BLM: variants seen among roughly 807,000 people sequenced by gnomAD.
BLM encodes recQ-like DNA helicase BLM.
Under a neutral mutation model 135.3 loss-of-function variants are expected in BLM, and 95 were observed. The observed-to-expected ratio is 0.70, with a 90% CI of 0.59 to 0.83. The LOEUF is 0.83. BLM is among the 40% of genes least tolerant of loss of function. The probability of loss-of-function intolerance (pLI) is 0.00; values close to 1 mark genes in which losing one functional copy is unlikely to be tolerated. For synonymous variants in BLM, 520 were observed against 589.2 expected (o/e 0.88, Z 1.70); for missense variants, 1,518 against 1,663.9 (o/e 0.91, Z 1.53).
At chr15:90,771,893 A>C (rs755584005) in intron 12 of BLM, among the ~76,000 whole-genome samples, 12 of 152,142 alleles carry the variant, frequency 7.9e-5, no homozygotes, top group Non-Finnish European at 1.2e-4. Context: ...ATTTATTTAG[A>C]GGCAGGCACC....
intron 15 of BLM, among the ~76,000 whole-genome samples, chr15:90,792,090 T>A (rs1328024384): frequency 1.5e-5 from 2 of 136,374 alleles, no homozygotes; most frequent in Non-Finnish European, 3.1e-5. Context: ...CCACTTTTTT[T>A]TTTCTTTTTT....
At chr15:90,784,632 G>A (rs750632115) in intron 13 of BLM, among the ~76,000 whole-genome samples, 3 of 151,658 alleles carry the variant, frequency 2.0e-5, no homozygotes, top group South Asian at 2.1e-4. Flanking sequence ...CACCGCGCCC[G>A]GCCAAGGATG....
chr15:90,755,823 T>C (rs1323362307), intron 5 of BLM, among the ~76,000 whole-genome samples: 2 of 152,198 alleles, frequency 1.3e-5, no homozygotes, highest in African/African-American at 4.8e-5. Flanking sequence ...TCAAGGCAAT[T>C]TCCGAGAGCT....
In BLM at chr15:90,815,475, G is replaced by T; in HGVS notation, c.*196G>T. 1 of 637,926 alleles carries T rather than the reference G, an allele frequency of 1.6e-6. No homozygotes were observed. Among genetic ancestry groups the T allele is most frequent in the Non-Finnish European group, 2.6e-6 (1 of 385,548 alleles). The allele number at this position is 637,926 out of a possible 1,614,324, so 39.5% of individuals were successfully genotyped here. On this transcript the variant is annotated 3_prime_UTR_variant, in exon 22 of 22. Coordinates refer to ENST00000355112, the MANE Select transcript of BLM (RefSeq NM_000057.4). This position sits in a 1 kb window ranked among gnomAD's most constrained non-coding sequence, Gnocchi z 4.6. ...TTTTGAATAAGCATGTTTTGCTGCC[G>T]CTGCAAGTGTTGTGGCCGTTGTTTC... is the stretch of plus-strand genomic sequence containing the variant.
At chr15:90,814,177 G>C (rs893651533) in intron 21 of BLM, among the ~76,000 whole-genome samples, 1 of 152,174 alleles carries the variant, frequency 6.6e-6, no homozygotes, top group Non-Finnish European at 1.5e-5. Flanking sequence ...ATTACCCACA[G>C]GCTGTGGCCC....
chr15:90,798,375 T>A (rs758651305), intron 17 of BLM, 38 bp downstream of exon 17: 1 of 1,600,058 alleles, frequency 6.2e-7, no homozygotes, highest in Non-Finnish European at 8.5e-7. Flanking sequence ...TTACTTCAAT[T>A]GAAATTGAAC....
At chr15:90,765,781 C>G (rs931636229) in intron 9 of BLM, among the ~76,000 whole-genome samples, 1 of 152,114 alleles carries the variant, frequency 6.6e-6, no homozygotes, top group Admixed American at 6.5e-5. Flanking sequence ...TTTCTCATGG[C>G]TGAGTTTAAG....
At chr15:90,776,659 C>G (rs1411893494) in intron 12 of BLM, among the ~76,000 whole-genome samples, 1 of 152,090 alleles carries the variant, frequency 6.6e-6, no homozygotes, top group African/African-American at 2.4e-5. Flanking sequence ...GTAGCCAGGA[C>G]TACAGGCGTG....
chr15:90,740,212 A>G (rs1408859835), intron 1 of BLM, among the ~76,000 whole-genome samples: 1 of 152,204 alleles, frequency 6.6e-6, no homozygotes. Flanking sequence ...AGAAATTTGC[A>G]TACCCCTTGC....
At position 90,809,138 on chromosome 15, in the gene BLM, A is replaced by G. The variant is rs962822215; in HGVS notation, c.3753A>G (p.Glu1251=). ...FNTVTLKKLA[E]SLSSDPEVLL... is the part of the protein sequence containing the mutation. The stretch of plus-strand genomic sequence containing the variant: ...TCCTAATTTTATGCCTTTGCACAGA[A>G]TCTTTATCTTCTGATCCTGAGGTTT... Residue 1251 remains glutamate (E), a splice_region_variant and synonymous_variant, in exon 20 of 22, where the codon GAA becomes GAG. Coordinates refer to ENST00000355112, the MANE Select transcript of BLM (RefSeq NM_000057.4). 2 of 1,614,018 alleles carry G rather than the reference A, an allele frequency of 1.2e-6. No homozygotes were observed. Among genetic ancestry groups the G allele is most frequent in the Non-Finnish European group, 1.7e-6 (2 of 1,180,000 alleles).
intron 14 of BLM, among the ~76,000 whole-genome samples, chr15:90,786,128 G>A (rs748658421): frequency 6.6e-6 from 1 of 150,584 alleles, no homozygotes; most frequent in African/African-American, 2.4e-5. Flanking sequence ...TAGCTAGGAC[G>A]ACAGGCGCAC....
intron 17 of BLM, among the ~76,000 whole-genome samples, chr15:90,798,976 T>C (rs1269997): frequency 0.39 from 57,822 of 148,348 alleles, 12,131 homozygotes; most frequent in East Asian, 0.56. Flanking sequence ...AGAGTGAAAC[T>C]GTGTCTCAAA....
chr15:90,743,187 C>G (rs1464178184), intron 1 of BLM, among the ~76,000 whole-genome samples: 1 of 151,996 alleles, frequency 6.6e-6, no homozygotes, highest in African/African-American at 2.4e-5. Flanking sequence ...CTGTGTTGCC[C>G]AGGCTAGTCT....
chr15:90,723,044 G>A (rs1894810949), intron 1 of BLM, among the ~76,000 whole-genome samples: 1 of 152,092 alleles, frequency 6.6e-6, no homozygotes, highest in East Asian at 1.9e-4. Context: ...GTTACATCAT[G>A]TTGGCCAGGC....
At position 90,798,251 on chromosome 15, in the gene BLM, A is replaced by T; in HGVS notation, c.3272A>T (p.His1091Leu). The T allele has an allele frequency of 6.2e-7, 1 of 1,611,888 alleles. No individual in the cohort carries two copies. The highest frequency in any genetic ancestry group is 8.5e-7 in the Non-Finnish European group (1 of 1,178,266). The change falls in exon 17 of 22, where the codon CAT becomes CTT. Residue 1091 changes from histidine (H) to leucine (L), a missense_variant. Physicochemically the swap from His to Leu is moderately conservative, Grantham distance 99. Transcript: ENST00000355112. ...AGTATTGTAAGATTTGTTCAAGAAC[A>T]TAGTTCATCACAAGGAATGAGAAAT... ...VKSIVRFVQE[H>L]SSSQGMRNIK...
chr15:90,786,136 C>T (rs1176630676), intron 14 of BLM, among the ~76,000 whole-genome samples: 6 of 151,530 alleles, frequency 4.0e-5, no homozygotes, highest in African/African-American at 1.5e-4. Flanking sequence ...ACGACAGGCG[C>T]ACCACTATGC....
chr15:90,745,712 C>T lies in BLM; in HGVS notation c.-4-1677C>T, dbSNP rs112591601. ...GGGCATGAGCCACTGCTGCCAGCCA[C>T]GTGAATATACTGTATAGTAGTGAAG... On this transcript the variant is annotated intron_variant, in intron 1 of 21. Coordinates refer to ENST00000355112, the MANE Select transcript of BLM (RefSeq NM_000057.4). Among the ~76,000 whole-genome samples the T allele has an allele frequency of 4.9e-3, 741 of 152,260 alleles. 7 individuals carry two copies. The highest frequency in any genetic ancestry group is 0.017 in the African/African-American group (715 of 41,534).
At position 90,760,645 on chromosome 15, in the gene BLM, T is replaced by G; in HGVS notation, c.1272T>G (p.Leu424=). The change falls in exon 7 of 22, where the codon CTT becomes CTG. Residue 424 remains leucine, a synonymous_variant. Coordinates refer to ENST00000355112, the MANE Select transcript of BLM (RefSeq NM_000057.4). ...VDFNKSDASL[L]GSLWRYRPDS... Reference sequence around the variant, plus strand: ...TTAATAAAAGTGATGCCAGTCTTCTTGGCTCATTGTGGAGATACAGGCCTG... The same window carrying G: ...TTAATAAAAGTGATGCCAGTCTTCTGGGCTCATTGTGGAGATACAGGCCTG... 6.2e-7 allele frequency: 1 copy of G among 1,613,180 alleles called. No homozygotes were observed. Among genetic ancestry groups the G allele is most frequent in the Non-Finnish European group, 8.5e-7 (1 of 1,179,276 alleles).
Position 90,782,903 on chromosome 15 carries a change from A to G in BLM, c.2637A>G (p.Leu879=), listed in dbSNP as rs1896653550. ...CTAAAAAGGTGGCATTTGATTGCCT[A>G]GAATGGATCAGAAAGCACCACCCAT... ...KKPKKVAFDC[L]EWIRKHHPYD... The change falls in exon 13 of 22, where the codon CTA becomes CTG. Residue 879 remains leucine, a synonymous_variant. Coordinates refer to ENST00000355112, the MANE Select transcript of BLM (RefSeq NM_000057.4). The G allele has an allele frequency of 3.7e-6, 6 of 1,612,752 alleles. No homozygotes were observed. Among genetic ancestry groups the G allele is most frequent in the East Asian group, 4.5e-5 (2 of 44,858 alleles).
Sources: allele counts gnomAD v4.1 joint callset (sites outside exome capture counted in the v4.1 genomes callset), GRCh38; gene constraint gnomAD v4.1.1; non-coding constraint Gnocchi (gnomAD v3.1); transcripts MANE v1.5; gene names NCBI Gene and HGNC (gene_info 2026-07-23, HGNC 2026-07-21).